Variants in USP37 observed in about 807,000 individuals in gnomAD.
The protein encoded by USP37 is ubiquitin specific peptidase 37, also known as ubiquitin carboxyl-terminal hydrolase 37.
Under a neutral mutation model 124.0 loss-of-function variants are expected in USP37, and 27 were observed. That is an observed-to-expected ratio of 0.22 (90% confidence interval 0.16 to 0.30). USP37 has a LOEUF of 0.30. Ranked by LOEUF, USP37 falls within the 10% of genes least tolerant of loss-of-function variation. The pLI is 1.00. For synonymous variants in USP37, 365 were observed against 388.0 expected (o/e 0.94, Z 0.70); for missense variants, 889 against 1,140.4 (o/e 0.78, Z 3.17).
chr2:218,509,442 A>G (rs1315802021), intron 11 of USP37, among the ~76,000 whole-genome samples: 2 of 152,192 alleles, frequency 1.3e-5, no homozygotes, highest in Non-Finnish European at 2.9e-5. Flanking sequence ...GGCATGTAAT[A>G]AACACTTTAG....
intron 11 of USP37, among the ~76,000 whole-genome samples, chr2:218,502,968 T>A (rs1689464592): frequency 6.6e-6 from 1 of 152,044 alleles, no homozygotes; most frequent in African/African-American, 2.4e-5. Context: ...AGTCAGAAAT[T>A]ATACAAAAAA....
At chr2:218,465,432 A>G (rs1690259371) in intron 21 of USP37, among the ~76,000 whole-genome samples, 1 of 152,136 alleles carries the variant, frequency 6.6e-6, no homozygotes, top group African/African-American at 2.4e-5. Context: ...AATAGAAAAT[A>G]AAAATAAAAA....
rs1302882333 is a variant in USP37 at position 218,452,292 on chromosome 2, T to C, written c.*2638A>G. The C allele has an allele frequency of 6.6e-6, 1 of 152,218 alleles. No homozygotes were observed. The highest frequency in any genetic ancestry group is 1.5e-5 in the Non-Finnish European group (1 of 68,034). The allele number at this position is 152,218 out of a possible 1,614,324, so 9.4% of individuals were successfully genotyped here. A position where few individuals can be genotyped will look rare whatever the true frequency, so the allele number is the denominator to read the frequency against. ...GCAACGGAAGCACTCAGTCCTTATCTAACTTGTCCCTTCCTGGCCCCAACA... is the reference window on the plus strand; with the variant it reads ...GCAACGGAAGCACTCAGTCCTTATCCAACTTGTCCCTTCCTGGCCCCAACA... On this transcript the variant is annotated 3_prime_UTR_variant, in exon 26 of 26. Coordinates refer to ENST00000258399, the MANE Select transcript of USP37 (RefSeq NM_020935.3).
At chr2:218,537,022 G>A (rs986649013) in intron 8 of USP37, among the ~76,000 whole-genome samples, 3 of 152,148 alleles carry the variant, frequency 2.0e-5, no homozygotes, top group African/African-American at 4.8e-5. Context: ...TAATGGAAAT[G>A]TTCTGAAACT....
At chr2:218,511,217 G>C (rs1233261126) in intron 10 of USP37, among the ~76,000 whole-genome samples, 1 of 151,682 alleles carries the variant, frequency 6.6e-6, no homozygotes, top group African/African-American at 2.4e-5. Context: ...TCGACTCACT[G>C]CAACCTCCAC....
intron 16 of USP37, among the ~76,000 whole-genome samples, chr2:218,483,602 A>G (rs530580428): frequency 6.6e-6 from 1 of 151,902 alleles, no homozygotes; most frequent in East Asian, 1.9e-4. Flanking sequence ...GGAAAAAAAA[A>G]AAAAAGAAAA....
intron 10 of USP37, among the ~76,000 whole-genome samples, chr2:218,526,806 T>TTTTTG (rs1690994058): frequency 6.9e-6 from 1 of 144,792 alleles, no homozygotes; most frequent in Non-Finnish European, 1.5e-5. Context: ...TTTTTTTTTT[T>TTTTTG]GGGACGGAGT....
intron 6 of USP37, 56 bp from the exon 7 acceptor site, chr2:218,547,147 G>C: frequency 1.1e-5 from 16 of 1,518,556 alleles, no homozygotes; most frequent in Non-Finnish European, 1.4e-5. Context: ...AATACTTTTA[G>C]AACAGTGATT....
chr2:218,559,916 G>A (rs1271607008), intron 3 of USP37, among the ~76,000 whole-genome samples: 1 of 151,992 alleles, frequency 6.6e-6, no homozygotes, highest in Non-Finnish European at 1.5e-5. Context: ...GGAGGTCGAG[G>A]CTGCAGTGAG....
intron 9 of USP37, among the ~76,000 whole-genome samples, chr2:218,531,927 G>A (rs761816691): frequency 1.4e-4 from 22 of 152,198 alleles, no homozygotes; most frequent in Non-Finnish European, 2.6e-4. Flanking sequence ...CTACGGATGA[G>A]CAAAGAAAGA....
chr2:218,537,406 G>T (rs974055381), intron 8 of USP37, among the ~76,000 whole-genome samples: 1 of 152,086 alleles, frequency 6.6e-6, no homozygotes, highest in Non-Finnish European at 1.5e-5. Flanking sequence ...GCCCAATCAC[G>T]CCCACCACTC....
At chr2:218,459,657 T>A in intron 23 of USP37, 133 bp downstream of exon 23, 2 of 604,608 alleles carry the variant, frequency 3.3e-6, no homozygotes, top group East Asian at 5.8e-5. Flanking sequence ...CAAGAGAAAA[T>A]GAGACCATCT....
At chr2:218,540,821 C>T (rs919558005) in intron 8 of USP37, among the ~76,000 whole-genome samples, 3 of 152,102 alleles carry the variant, frequency 2.0e-5, no homozygotes, top group African/African-American at 7.2e-5. Flanking sequence ...TCCAAGGACT[C>T]ATAGGAGTAT....
chr2:218,555,899 C>T (rs768046551), intron 4 of USP37, among the ~76,000 whole-genome samples: 1 of 152,218 alleles, frequency 6.6e-6, no homozygotes, highest in Non-Finnish European at 1.5e-5. Flanking sequence ...TTTTCTCTCA[C>T]ACCTCCCAAA....
chr2:218,482,115 T>C lies in USP37; in HGVS notation c.1790A>G (p.Asn597Ser). Residue 597 changes from asparagine to serine, a missense_variant, in exon 17 of 26, where the codon AAT becomes AGT. Asn to Ser is a conservative substitution (Grantham distance 46). Coordinates refer to ENST00000258399, the MANE Select transcript of USP37 (RefSeq NM_020935.3). ...YLTLSSHCTE[N>S]TKPPFTLGWS... ...ACCAAGGGTAAAAGGTGGTTTTGTA[T>C]TTTCAGTGCAATGAGATGACAGGGT... 6.2e-7 allele frequency: 1 copy of C among 1,613,520 alleles called. No individual in the cohort carries two copies. The highest frequency in any genetic ancestry group is 2.2e-5 in the East Asian group (1 of 44,870).
chr2:218,533,331 A>G (rs1017639820), intron 9 of USP37, among the ~76,000 whole-genome samples: 1 of 152,124 alleles, frequency 6.6e-6, no homozygotes, highest in African/African-American at 2.4e-5. Context: ...TCTTTATTGT[A>G]GAAAATTAGT....
At chr2:218,563,007 T>A (rs926963085) in intron 1 of USP37, among the ~76,000 whole-genome samples, 194 bp from the exon 2 acceptor site, 5 of 151,686 alleles carry the variant, frequency 3.3e-5, no homozygotes, top group African/African-American at 7.3e-5. Context: ...CTACTAAAAA[T>A]ACAAAATTAG....
chr2:218,465,559 T>C (rs902922840), intron 21 of USP37, among the ~76,000 whole-genome samples: 2 of 152,176 alleles, frequency 1.3e-5, no homozygotes, highest in African/African-American at 2.4e-5. Context: ...GCATTTGGAT[T>C]GTCAAAAAAA....
In USP37 at chr2:218,556,927, C is replaced by T. The variant is rs1370931616; in HGVS notation, c.156+1571G>A. On this transcript the variant is annotated intron_variant, in intron 4 of 25. Coordinates refer to ENST00000258399, the MANE Select transcript of USP37 (RefSeq NM_020935.3). ...TTTCAGACAGGATCCTGCTTTGTCA[C>T]GCAGGCTGGAGTGCGGTGGCATGAT... Among the ~76,000 whole-genome samples, 7 of 152,186 alleles carry T rather than the reference C, an allele frequency of 4.6e-5. No individual in the cohort carries two copies. The East Asian group carries it at 7.7e-4, about 17-fold the overall frequency.
Sources: allele counts gnomAD v4.1 joint callset (sites outside exome capture counted in the v4.1 genomes callset), GRCh38; gene constraint gnomAD v4.1.1; transcripts MANE v1.5; gene names NCBI Gene and HGNC (gene_info 2026-07-23, HGNC 2026-07-21).